DLGAP1: variants seen among roughly 807,000 people sequenced by gnomAD.
DLGAP1 encodes the protein DLG associated protein 1.
DLGAP1 carries 11 observed loss-of-function variants against 90.8 expected under a neutral mutation model. The ratio of observed to expected loss-of-function variants is 0.12; its 90% CI spans 0.08 to 0.20. The LOEUF (loss-of-function observed/expected upper bound fraction) is 0.20. Ranked by LOEUF, DLGAP1 falls within the 10% of genes least tolerant of loss-of-function variation. DLGAP1 has a pLI of 1.00. For synonymous variants in DLGAP1, 558 were observed against 540.7 expected, an observed-to-expected ratio of 1.03 and a Z score of -0.44; for missense variants, 1,050 against 1,333.8, an observed-to-expected ratio of 0.79 and a Z score of 3.31.
At chr18:3,847,661 A>G (rs1296019329) in intron 4 of DLGAP1, among the ~76,000 whole-genome samples, 1 of 152,164 alleles carries the variant, frequency 6.6e-6, no homozygotes, top group Non-Finnish European at 1.5e-5. Context: ...AATGATCCAG[A>G]CGAGAATAAA....
At chr18:3,847,204 G>A (rs2069068727) in intron 4 of DLGAP1, among the ~76,000 whole-genome samples, 1 of 152,086 alleles carries the variant, frequency 6.6e-6, no homozygotes, top group African/African-American at 2.4e-5. Flanking sequence ...GAAAAAAAGA[G>A]ATGTTATAAA....
intron 3 of DLGAP1, among the ~76,000 whole-genome samples, chr18:3,904,232 C>A (rs1568291277): frequency 1.3e-5 from 2 of 152,294 alleles, no homozygotes; most frequent in Admixed American, 1.3e-4. Flanking sequence ...AGAACAAGGG[C>A]CAAATAGGGC....
chr18:4,352,545 T>C (rs1424108296), intron 1 of DLGAP1, among the ~76,000 whole-genome samples: 1 of 152,152 alleles, frequency 6.6e-6, no homozygotes, highest in Non-Finnish European at 1.5e-5. Flanking sequence ...AAATGTCCTC[T>C]TTATTTGTTT....
intron 1 of DLGAP1, among the ~76,000 whole-genome samples, chr18:4,303,294 T>C (rs899578753): frequency 2.6e-5 from 4 of 151,878 alleles, no homozygotes; most frequent in African/African-American, 9.7e-5. Context: ...ATTAGCAAAG[T>C]TGGGAGACCA....
At chr18:3,905,852 G>A (rs73940266) in intron 3 of DLGAP1, among the ~76,000 whole-genome samples, 1,565 of 152,262 alleles carry the variant, frequency 0.01, 27 homozygotes, top group African/African-American at 0.036. Context: ...GGTACAGCAT[G>A]CCTTACTCTA....
At chr18:3,959,214 T>G (rs2073143560) in intron 3 of DLGAP1, among the ~76,000 whole-genome samples, 1 of 152,172 alleles carries the variant, frequency 6.6e-6, no homozygotes, top group Non-Finnish European at 1.5e-5. Flanking sequence ...CTGCTCAATA[T>G]TTTAAGACTC....
intron 9 of DLGAP1, among the ~76,000 whole-genome samples, chr18:3,551,928 G>A (rs891856762): frequency 8.0e-5 from 12 of 150,434 alleles, no homozygotes; most frequent in African/African-American, 1.7e-4. Context: ...ACAGGCAGCC[G>A]CCATCACACT....
chr18:4,420,163 C>G (rs2082995993), intron 1 of DLGAP1, among the ~76,000 whole-genome samples: 1 of 151,972 alleles, frequency 6.6e-6, no homozygotes, highest in Non-Finnish European at 1.5e-5. Context: ...AAATATGTAC[C>G]CTAGAGCTTT....
At chr18:3,849,633 C>A (rs1401165213) in intron 4 of DLGAP1, among the ~76,000 whole-genome samples, 1 of 152,094 alleles carries the variant, frequency 6.6e-6, no homozygotes, top group African/African-American at 2.4e-5. Flanking sequence ...AGAACCAGGG[C>A]AGAGCTCCCA....
intron 2 of DLGAP1, among the ~76,000 whole-genome samples, chr18:4,080,901 T>A (rs1032882286): frequency 2.6e-5 from 4 of 151,984 alleles, no homozygotes; most frequent in African/African-American, 9.7e-5. Context: ...TTTTTTTTTT[T>A]TTTTGAGATG....
intron 7 of DLGAP1, among the ~76,000 whole-genome samples, chr18:3,688,882 C>T (rs1212942213): frequency 6.6e-6 from 1 of 152,030 alleles, no homozygotes; most frequent in Non-Finnish European, 1.5e-5. Flanking sequence ...CCTTTACTGT[C>T]GACTCCACTG....
chr18:4,058,403 T>G (rs1184136275), intron 2 of DLGAP1, among the ~76,000 whole-genome samples: 2 of 152,222 alleles, frequency 1.3e-5, no homozygotes, highest in Non-Finnish European at 2.9e-5. Context: ...TGCCAGCTCC[T>G]TATGATTTAC....
chr18:4,403,992 A>G (rs1234333820), intron 1 of DLGAP1, among the ~76,000 whole-genome samples: 1 of 152,028 alleles, frequency 6.6e-6, no homozygotes, highest in Non-Finnish European at 1.5e-5. Context: ...CTGGTCATCA[A>G]CCTTTAAACT....
At chr18:4,112,518 CATTT>C (rs2075991915) in intron 2 of DLGAP1, among the ~76,000 whole-genome samples, 1 of 152,086 alleles carries the variant, frequency 6.6e-6, no homozygotes, top group Admixed American at 6.6e-5. Context: ...GGTGCTGAAA[CATTT>C]ATTATTGTTG....
chr18:3,746,722 AAAATGCTCGATCTCACTAGTAATTAGAG>A (rs1471309361), intron 5 of DLGAP1, among the ~76,000 whole-genome samples: 1 of 152,228 alleles, frequency 6.6e-6, no homozygotes, highest in African/African-American at 2.4e-5. Context: ...AGCATATGAC[AAAATGCTCGATCTCACTAGTAATTAGAG>A]AAATGTGGAT....
Position 3,729,807 on chromosome 18 carries a change from T to TG in DLGAP1, c.1351-433dup, listed in dbSNP as rs1475862256. Reference sequence around the variant, plus strand: ...ACATTCTTATTTATAAAGGCAAACTTGGAGAAGAATTTTACCAGTCCATTG... The same window carrying TG: ...ACATTCTTATTTATAAAGGCAAACTTGGGAGAAGAATTTTACCAGTCCATTG... On this transcript the variant is annotated intron_variant, in intron 6 of 12. Coordinates refer to ENST00000315677, the MANE Select transcript of DLGAP1 (RefSeq NM_004746.4). The surrounding 1 kb of genome is among the most constrained non-coding windows in gnomAD (Gnocchi z 6.2). Among the ~76,000 whole-genome samples the TG allele has an allele frequency of 4.6e-5, 7 of 152,206 alleles. No homozygotes were observed. Among genetic ancestry groups the TG allele is most frequent in the Non-Finnish European group, 7.3e-5 (5 of 68,032 alleles).
intron 2 of DLGAP1, among the ~76,000 whole-genome samples, chr18:4,034,035 C>CTGCAAATTTTTATATACTATTTGTCA (rs2074845618): frequency 7.6e-6 from 1 of 132,104 alleles, no homozygotes; most frequent in African/African-American, 3.1e-5. Flanking sequence ...CCGCGCCCGG[C>CTGCAAATTTTTATATACTATTTGTCA]CCTTTTTTTT....
intron 1 of DLGAP1, among the ~76,000 whole-genome samples, chr18:4,156,194 T>C (rs779136147): frequency 2.6e-5 from 4 of 152,302 alleles, no homozygotes; most frequent in Non-Finnish European, 5.9e-5. Flanking sequence ...CCATATTGAT[T>C]GAATTATCAG....
intron 1 of DLGAP1, among the ~76,000 whole-genome samples, chr18:4,267,512 G>A (rs569892702): frequency 6.6e-6 from 1 of 152,312 alleles, no homozygotes; most frequent in African/African-American, 2.4e-5. Context: ...TAGAAGATAT[G>A]TGAGTAATCA....
Sources: gnomAD v4.1 joint callset for allele counts (sites outside exome capture counted in the v4.1 genomes callset) on GRCh38, gnomAD v4.1.1 for gene constraint, Gnocchi (gnomAD v3.1) non-coding constraint, MANE v1.5 for transcripts, NCBI Gene and HGNC (gene_info 2026-07-23, HGNC 2026-07-21) for gene names.